Variants in DDX55 observed in about 807,000 individuals in gnomAD.
The protein encoded by DDX55 is ATP-dependent RNA helicase DDX55.
In DDX55, 56 loss-of-function variants were observed where a neutral mutation model predicts 69.2. The observed-to-expected ratio is 0.81, with a 90% CI of 0.65 to 1.01. The LOEUF is 1.01. Ranked by LOEUF, DDX55 falls within the 50% of genes least tolerant of loss-of-function variation. The pLI, the probability that DDX55 is intolerant of heterozygous loss-of-function variation, is 0.00. For synonymous variants in DDX55, 268 were observed against 273.1 expected (o/e 0.98, Z 0.18); for missense variants, 720 against 745.1 (o/e 0.97, Z 0.39).
chr12:123,617,770 T>G lies in DDX55; in HGVS notation c.1062T>G (p.His354Gln). Reference sequence around the variant, plus strand: ...TGTGTTCTCACAGTGCCTTCGTGCATCGCTGCGGTCGCACAGCTCGCATTG... The same window carrying G: ...TGTGTTCTCACAGTGCCTTCGTGCAGCGCTGCGGTCGCACAGCTCGCATTG... ...DPPSNASAFV[H>Q]RCGRTARIGH... The change falls in exon 11 of 14, where the codon CAT (histidine) becomes CAG (glutamine). Residue 354 changes from histidine (H) to glutamine (Q), a missense_variant. His to Gln is a conservative substitution (Grantham distance 24, BLOSUM62 0). Coordinates refer to ENST00000238146, the MANE Select transcript of DDX55 (RefSeq NM_020936.3). 6.2e-7 allele frequency: 1 copy of G among 1,612,424 alleles called. No individual in the cohort carries two copies. The highest frequency in any genetic ancestry group is 1.1e-5 in the South Asian group (1 of 90,974).
At position 123,619,703 on chromosome 12, in the gene DDX55, T is replaced by C. The variant is rs991585010; in HGVS notation, c.1605T>C (p.Asn535=). The C allele has an allele frequency of 1.9e-6, 3 of 1,574,634 alleles. No individual in the cohort carries two copies. Among genetic ancestry groups the C allele is most frequent in the African/African-American group, 2.8e-5 (2 of 72,474 alleles). ...AAAAAGAAAAGAAGAAAAAAATGAA[T>C]GAGAAAAGGAAAAGGGAAGAGGTAA... ...KAKKEKKKKM[N]EKRKREEGSD... Residue 535 remains asparagine (N), a synonymous_variant, in exon 13 of 14, where the codon AAT becomes AAC. Transcript: ENST00000238146.
At chr12:123,614,912 C>T (rs779208322) in intron 8 of DDX55, among the ~76,000 whole-genome samples, 29 of 152,032 alleles carry the variant, frequency 1.9e-4, no homozygotes, top group South Asian at 4.2e-4. Flanking sequence ...GGAGATTTCC[C>T]GTGAGAACAT....
intron 10 of DDX55, chr12:123,616,910 T>C (rs1954713733): frequency 3.2e-6 from 1 of 313,808 alleles, no homozygotes; most frequent in Admixed American, 4.6e-5. Context: ...TTCCAGCACT[T>C]TGGGGAGGCC....
chr12:123,618,545 G>A, intron 11 of DDX55, 124 bp from the exon 12 acceptor site: 1 of 1,540,310 alleles, frequency 6.5e-7, no homozygotes, highest in South Asian at 1.3e-5. Flanking sequence ...GTTGGAGTTG[G>A]GCTTCAGACC....
chr12:123,608,691 T>C lies in DDX55; in HGVS notation c.413T>C (p.Ile138Thr), dbSNP rs1201251167. 1.9e-6 allele frequency: 3 copies of C among 1,613,700 alleles called. No individual in the cohort carries two copies. The highest frequency in any genetic ancestry group is 2.2e-5 in the East Asian group (1 of 44,882). Residue 138 changes from isoleucine (I) to threonine (T), a missense_variant, in exon 6 of 14, where the codon ATT becomes ACT. Coordinates refer to ENST00000238146, the MANE Select transcript of DDX55 (RefSeq NM_020936.3). ...CTTTCTTTCCAAAGTGGGAACATCA[T>C]TGTGGCCACTCCAGGCCGCTTGGAG... ...ERFKQQGGNI[I>T]VATPGRLEDM...
At chr12:123,605,789 C>T in intron 1 of DDX55, 142 bp from the exon 2 acceptor site, 2 of 1,105,284 alleles carry the variant, frequency 1.8e-6, no homozygotes, top group Non-Finnish European at 2.8e-6. Flanking sequence ...TTCAACTTCT[C>T]TATGGTGACT....
chr12:123,610,156 A>G (rs1954125032), intron 7 of DDX55, 28 bp downstream of exon 7: 1 of 1,602,686 alleles, frequency 6.2e-7, no homozygotes, highest in African/African-American at 1.3e-5. Flanking sequence ...CTTCTTACTC[A>G]GCGATAATGA....
chr12:123,617,170 G>C (rs1477092080), intron 10 of DDX55, among the ~76,000 whole-genome samples: 1 of 152,156 alleles, frequency 6.6e-6, no homozygotes, highest in African/African-American at 2.4e-5. Context: ...GTTTTAAGTA[G>C]CAAAAATAGG....
intron 7 of DDX55, among the ~76,000 whole-genome samples, chr12:123,612,823 G>GA (rs5801520): frequency 4.6e-4 from 62 of 136,086 alleles, no homozygotes; most frequent in Admixed American, 6.8e-4. Context: ...TCTGTCTCTT[G>GA]AAAAAAAAAA....
chr12:123,604,102 A>G (rs1237772427), intron 1 of DDX55, among the ~76,000 whole-genome samples: 2 of 151,954 alleles, frequency 1.3e-5, no homozygotes, highest in African/African-American at 4.8e-5. Context: ...GCCTGACCAC[A>G]AGAGTCCTGT....
chr12:123,618,208 C>T, intron 11 of DDX55: 1 of 382,160 alleles, frequency 2.6e-6, no homozygotes, highest in Non-Finnish European at 5.1e-6. Context: ...GATGGGGTTT[C>T]TCCATGTTGG....
chr12:123,606,002 C>A (rs1173647600), intron 2 of DDX55, 21 bp downstream of exon 2: 1 of 1,614,004 alleles, frequency 6.2e-7, no homozygotes, highest in Non-Finnish European at 8.5e-7. Context: ...CGGGTATGTG[C>A]AGCCTGTCCT....
At position 123,610,085 on chromosome 12, in the gene DDX55, G is replaced by C; in HGVS notation, c.698G>C (p.Ser233Thr). The C allele has an allele frequency of 1.9e-6, 3 of 1,614,162 alleles. No individual in the cohort carries two copies. The highest frequency in any genetic ancestry group is 2.5e-6 in the Non-Finnish European group (3 of 1,180,032). ...VSVKEKGVAA[S>T]SAQKTPSRLE... ...GTGAAGGAGAAGGGCGTGGCAGCCA[G>C]CAGTGCCCAGAAGACCCCCTCCCGC... The change falls in exon 7 of 14, where the codon AGC (serine) becomes ACC (threonine). Residue 233 changes from serine (S) to threonine (T), a missense_variant. Physicochemically the swap from Ser to Thr is moderately conservative, Grantham distance 58. Transcript: ENST00000238146.
In DDX55 at chr12:123,616,528, C is replaced by T. The variant is rs1341279213; in HGVS notation, c.974C>T (p.Thr325Ile). The change falls in exon 10 of 14, where the codon ACT becomes ATT. Residue 325 changes from threonine to isoleucine, a missense_variant. By Grantham distance (89) the Thr-to-Ile change is moderately conservative. Coordinates refer to ENST00000238146, the MANE Select transcript of DDX55 (RefSeq NM_020936.3). ...TTTCCTAGTGGGATTTTAGTGTGCACTGATGTGATGGCCCGGGGAATTGAT... is the reference window on the plus strand; with the variant it reads ...TTTCCTAGTGGGATTTTAGTGTGCATTGATGTGATGGCCCGGGGAATTGAT... ...RKLQSGILVC[T>I]DVMARGIDIP... is the part of the protein sequence containing the mutation. 2.5e-6 allele frequency: 4 copies of T among 1,614,100 alleles called. No individual in the cohort carries two copies. The highest frequency in any genetic ancestry group is 4.5e-5 in the East Asian group (2 of 44,884).
At chr12:123,609,787 A>G in intron 6 of DDX55, 152 bp from the exon 7 acceptor site, 1 of 828,302 alleles carries the variant, frequency 1.2e-6, no homozygotes. Context: ...GAAACAAAGA[A>G]TCACCTATAA....
chr12:123,609,623 C>G (rs1954092744), intron 6 of DDX55, among the ~76,000 whole-genome samples: 1 of 151,924 alleles, frequency 6.6e-6, no homozygotes, highest in South Asian at 2.1e-4. Flanking sequence ...TCTTCCCATC[C>G]CAGTCTCCCG....
chr12:123,620,598 AT>A lies in DDX55; in HGVS notation c.*459del, dbSNP rs1257287113. Reference sequence around the variant, plus strand: ...GTACATATTATATATATATATATATATATATATATATATATATATATATATA... The same window carrying A: ...GTACATATTATATATATATATATATAATATATATATATATATATATATATA... On this transcript the variant is annotated 3_prime_UTR_variant, in exon 14 of 14. Coordinates refer to ENST00000238146, the MANE Select transcript of DDX55 (RefSeq NM_020936.3). 1.4e-5 allele frequency: 1 copy of A among 70,500 alleles called. No homozygotes were observed. The highest frequency in any genetic ancestry group is 3.2e-4 in the East Asian group (1 of 3,120). 4.4% of individuals were successfully genotyped at this position (70,500 alleles called of 1,614,324 possible).
intron 7 of DDX55, among the ~76,000 whole-genome samples, chr12:123,611,832 C>T (rs1954266086): frequency 6.6e-6 from 1 of 152,180 alleles, no homozygotes. Context: ...AAGGACTCTG[C>T]ATAGGGTAGT....
rs955008910 is a variant in DDX55, at chr12:123,608,766, G to C, written c.488G>C (p.Arg163Pro). ...GGCTTGGATCTGGCCAGCTGTGTGC[G>C]ATCCCTGGATGTCCTGGTGTTGGAT... ...AEGLDLASCVRSLDVLVLDEA... is the reference protein window; with the variant it reads ...AEGLDLASCVPSLDVLVLDEA... Residue 163 changes from arginine to proline, a missense_variant, in exon 6 of 14, where the codon CGA becomes CCA. By Grantham distance (103) the Arg-to-Pro change is moderately radical. Coordinates refer to ENST00000238146, the MANE Select transcript of DDX55 (RefSeq NM_020936.3). 2 of 1,614,142 alleles carry C rather than the reference G, an allele frequency of 1.2e-6. No homozygotes were observed. Among genetic ancestry groups the C allele is most frequent in the Non-Finnish European group, 1.7e-6 (2 of 1,180,032 alleles).
Sources: allele counts gnomAD v4.1 joint callset (sites outside exome capture counted in the v4.1 genomes callset), GRCh38; gene constraint gnomAD v4.1.1; transcripts MANE v1.5; gene names NCBI Gene and HGNC (gene_info 2026-07-23, HGNC 2026-07-21).